CCDC91: variants seen among roughly 807,000 people sequenced by gnomAD.
The protein encoded by CCDC91 is coiled-coil domain-containing protein 91.
CCDC91 carries 48 observed loss-of-function variants against 63.2 expected under a neutral mutation model. The ratio of observed to expected loss-of-function variants is 0.76; its 90% CI spans 0.60 to 0.97. CCDC91 has a LOEUF of 0.97. Among genes scored for constraint, CCDC91 ranks in the 50% least tolerant of loss-of-function variants. The pLI is 0.00. For missense variants in CCDC91, 500 were observed against 494.6 expected (o/e 1.01, Z -0.10); for synonymous variants, 167 against 165.8 (o/e 1.01, Z -0.06).
At chr12:28,458,562 T>A (rs1335627669) in intron 11 of CCDC91, among the ~76,000 whole-genome samples, 1 of 140,178 alleles carries the variant, frequency 7.1e-6, no homozygotes, top group African/African-American at 2.7e-5. Context: ...CTCCCCCTCC[T>A]GGTTTCAAGC....
intron 11 of CCDC91, among the ~76,000 whole-genome samples, chr12:28,475,641 C>T (rs544547944): frequency 1.3e-5 from 2 of 151,998 alleles, no homozygotes; most frequent in South Asian, 2.1e-4. Flanking sequence ...CCCATTTTCC[C>T]TCTGTCTTGA....
intron 8 of CCDC91, among the ~76,000 whole-genome samples, chr12:28,434,493 A>G (rs1021138697): frequency 1.3e-5 from 2 of 150,194 alleles, no homozygotes; most frequent in African/African-American, 4.9e-5. Context: ...TTCTCTTTAT[A>G]CATTGTTGGA....
At chr12:28,435,194 C>G (rs748586526) in intron 8 of CCDC91, among the ~76,000 whole-genome samples, 3 of 151,564 alleles carry the variant, frequency 2.0e-5, no homozygotes, top group Non-Finnish European at 4.4e-5. Context: ...ATTTGCTCCT[C>G]TTTTTCTCCT....
chr12:28,542,953 A>C lies in CCDC91; in HGVS notation c.1216-6110A>C, dbSNP rs1830146104. ...AATTTACAACAAACTGAGGGGCTTGAAACAAGATAAATTTATTTTCTCACA... is the reference window on the plus strand; with the variant it reads ...AATTTACAACAAACTGAGGGGCTTGCAACAAGATAAATTTATTTTCTCACA... On this transcript the variant is annotated intron_variant, in intron 12 of 12. Transcript: ENST00000536442. 2.0e-5 allele frequency among the ~76,000 whole-genome samples: 3 copies of C among 152,026 alleles called. No individual in the cohort carries two copies. The South Asian group carries it at 6.2e-4, about 32-fold the overall frequency.
At chr12:28,300,445 A>C (rs1268141675) in intron 3 of CCDC91, among the ~76,000 whole-genome samples, 1 of 151,552 alleles carries the variant, frequency 6.6e-6, no homozygotes, top group Non-Finnish European at 1.5e-5. Context: ...GCTGTGCCAA[A>C]TAATATACCA....
chr12:28,519,552 T>C (rs1410852993), intron 12 of CCDC91, among the ~76,000 whole-genome samples: 1 of 151,746 alleles, frequency 6.6e-6, no homozygotes. Flanking sequence ...TTTGTATCTT[T>C]CTCTTTTCTT....
intron 1 of CCDC91, among the ~76,000 whole-genome samples, chr12:28,215,869 A>G (rs1040323667): frequency 1.3e-5 from 2 of 152,106 alleles, no homozygotes; most frequent in African/African-American, 4.8e-5. Context: ...GCCATTTTAG[A>G]TTATTGAAGA....
intron 12 of CCDC91, among the ~76,000 whole-genome samples, chr12:28,488,745 A>G (rs142516153): frequency 5.3e-5 from 8 of 152,038 alleles, no homozygotes; most frequent in African/African-American, 1.7e-4. Flanking sequence ...CAAACAGGAA[A>G]ACCTAAAAAG....
rs1283915414 is a variant in CCDC91, at chr12:28,424,903, C to T, written c.763-25258C>T. Among the ~76,000 whole-genome samples, 5 of 151,864 alleles carry T rather than the reference C, an allele frequency of 3.3e-5. No homozygotes were observed. The East Asian group carries it at 5.8e-4, about 18-fold the overall frequency. ...TACCTTTCACATTTTGGTATTTTAT[C>T]TGTGTAGATAAAGTTACAGAGCTTA... On this transcript the variant is annotated intron_variant, in intron 8 of 12. Coordinates refer to ENST00000536442, the MANE Select transcript of CCDC91 (RefSeq NM_018318.5).
At chr12:28,254,426 T>C (rs1946310051) in intron 1 of CCDC91, among the ~76,000 whole-genome samples, 2 of 152,234 alleles carry the variant, frequency 1.3e-5, no homozygotes, top group African/African-American at 4.8e-5. Flanking sequence ...GCTAGAATAT[T>C]CTAAAATACT....
chr12:28,374,200 C>T (rs754016033), intron 7 of CCDC91, among the ~76,000 whole-genome samples: 4 of 151,988 alleles, frequency 2.6e-5, no homozygotes, highest in Non-Finnish European at 5.9e-5. Flanking sequence ...ATAGTGGTTA[C>T]TCTGTTATCA....
At chr12:28,311,911 A>G (rs1939369033) in intron 6 of CCDC91, among the ~76,000 whole-genome samples, 1 of 152,016 alleles carries the variant, frequency 6.6e-6, no homozygotes, top group Non-Finnish European at 1.5e-5. Context: ...GGCTAAAAGA[A>G]AACTCACAGA....
intron 7 of CCDC91, among the ~76,000 whole-genome samples, chr12:28,373,620 T>G (rs1944759628): frequency 6.6e-6 from 1 of 152,192 alleles, no homozygotes; most frequent in South Asian, 2.1e-4. Context: ...ATACATTTTT[T>G]TTTTGAATAA....
At position 28,478,103 on chromosome 12, in the gene CCDC91, A is replaced by C. The variant is rs536665888; in HGVS notation, c.1102-5949A>C. ...CAATGACTTTCTTCACAGAATTGGA[A>C]GGAACTACTTTAAAGTTCATATGGA... On this transcript the variant is annotated intron_variant, in intron 11 of 12. Transcript: ENST00000536442. Among the ~76,000 whole-genome samples, 67 of 152,302 alleles carry C rather than the reference A, an allele frequency of 4.4e-4. 2 individuals are homozygous for C. In the South Asian group the frequency reaches 0.013, roughly 30 times the overall value.
chr12:28,238,048 G>A (rs1255550605), intron 1 of CCDC91, among the ~76,000 whole-genome samples: 3 of 152,012 alleles, frequency 2.0e-5, no homozygotes, highest in South Asian at 4.2e-4. Context: ...CATTCTTGGG[G>A]CGAGGAAAAT....
intron 3 of CCDC91, among the ~76,000 whole-genome samples, chr12:28,282,595 T>C (rs1409733677): frequency 3.3e-5 from 5 of 152,164 alleles, no homozygotes; most frequent in Non-Finnish European, 1.5e-5. Flanking sequence ...CTTTTTGATA[T>C]AATGATTCCT....
chr12:28,392,490 A>G (rs1459834665), intron 8 of CCDC91, among the ~76,000 whole-genome samples: 4 of 152,112 alleles, frequency 2.6e-5, no homozygotes, highest in Non-Finnish European at 5.9e-5. Context: ...GCCGTGTTAG[A>G]TTTGTATCTG....
At chr12:28,434,594 GTTTT>G (rs376645678) in intron 8 of CCDC91, among the ~76,000 whole-genome samples, 958 of 73,496 alleles carry the variant, frequency 0.013, 7 homozygotes, top group African/African-American at 0.054. Flanking sequence ...CCTTGGTCTG[GTTTT>G]TTTTTTTTTT....
At chr12:28,237,137 T>C (rs1191422967) in intron 1 of CCDC91, among the ~76,000 whole-genome samples, 1 of 151,984 alleles carries the variant, frequency 6.6e-6, no homozygotes, top group Non-Finnish European at 1.5e-5. Context: ...ATTATTTTCT[T>C]TGATTTTCAT....
Sources: gnomAD v4.1 joint callset for allele counts (sites outside exome capture counted in the v4.1 genomes callset) on GRCh38, gnomAD v4.1.1 for gene constraint, MANE v1.5 for transcripts, NCBI Gene and HGNC (gene_info 2026-07-23, HGNC 2026-07-21) for gene names.